Variants in TULP4 observed in about 807,000 individuals in gnomAD.
TULP4 encodes TUB like protein 4, also known as tubby-related protein 4.
A neutral mutation model predicts 129.0 loss-of-function variants in TULP4; 16 were observed. That is an observed-to-expected ratio of 0.12 (90% CI 0.08 to 0.19). The LOEUF (loss-of-function observed/expected upper bound fraction) is 0.19, where lower values mean the gene tolerates loss of function less well. Ranked by LOEUF, TULP4 falls within the 10% of genes least tolerant of loss-of-function variation. The pLI is 1.00. For missense variants in TULP4, 1,842 were observed against 2,059.1 expected, an observed-to-expected ratio of 0.89 and a Z score of 2.04; for synonymous variants, 998 against 854.0, an observed-to-expected ratio of 1.17 and a Z score of -2.94.
intron 1 of TULP4, among the ~76,000 whole-genome samples, chr6:158,338,552 G>A (rs1245863593): frequency 6.6e-6 from 1 of 152,140 alleles, no homozygotes; most frequent in Non-Finnish European, 1.5e-5. Flanking sequence ...TCCAAAGCTG[G>A]GCAGTGACCC....
rs115512048 is a variant in TULP4, at chr6:158,431,757, G to A, written c.543+1860G>A. ...GAGTGGTTTCCTGCTGCCGTGGAAC[G>A]TGAAGGGGGACTCCTGGGGCTGGAG... On this transcript the variant is annotated intron_variant, in intron 3 of 13. Transcript: ENST00000367097. Among the ~76,000 whole-genome samples, 942 of 152,210 alleles carry A rather than the reference G, an allele frequency of 6.2e-3. 13 individuals carry two copies. Among genetic ancestry groups the A allele is most frequent in the African/African-American group, 0.021 (869 of 41,514 alleles).
rs575849065 is a variant in TULP4, at chr6:158,461,622, C to A, written c.919C>A (p.Gln307Lys). The A allele has an allele frequency of 6.2e-7, 1 of 1,614,052 alleles. No homozygotes were observed. The highest frequency in any genetic ancestry group is 1.7e-5 in the Admixed American group (1 of 60,008). The part of the protein sequence containing the change: ...DLLAVAGMER[Q>K]TQLGELPNGP... ...GCTGGCAGTCGCTGGGATGGAACGG[C>A]AGACCCAGCTTGGTGAGCTTCCCAA... Residue 307 changes from glutamine (Q) to lysine (K), a missense_variant, in exon 6 of 14, where the codon CAG becomes AAG. Around this residue, in one of 5 missense-constraint regions of TULP4, gnomAD observed 456 missense variants for 534.3 expected, o/e 0.85. Coordinates refer to ENST00000367097, the MANE Select transcript of TULP4 (RefSeq NM_020245.5).
chr6:158,421,048 A>G (rs1235831976), intron 2 of TULP4, among the ~76,000 whole-genome samples: 1 of 152,136 alleles, frequency 6.6e-6, no homozygotes, highest in African/African-American at 2.4e-5. Context: ...GGCGTGAGAC[A>G]TTAATCAAAT....
At chr6:158,501,589 G>C in intron 12 of TULP4, 89 bp from the exon 13 acceptor site, 1 of 1,311,976 alleles carries the variant, frequency 7.6e-7, no homozygotes, top group Non-Finnish European at 1.1e-6. Flanking sequence ...TACAGAAGGA[G>C]ACTGGATGAG....
chr6:158,282,407 C>T (rs1449785765), intron 1 of TULP4: 1 of 151,740 alleles, frequency 6.6e-6, no homozygotes. Flanking sequence ...AATATGAATT[C>T]CCTCTAAGAA....
rs565025678 is a variant in TULP4, at chr6:158,261,493, C to A, written n.68+29190C>A. ...TAGGTAATTGGGAGCAGTCTCGGAA[C>A]CTCTTGGGACCTGGTAAATGTCTTG... On this transcript the variant is annotated intron_variant and non_coding_transcript_variant, in intron 1 of 1. Transcript: ENST00000620026. Among the ~76,000 whole-genome samples, 9 of 152,272 alleles carry A rather than the reference C, an allele frequency of 5.9e-5. No homozygotes were observed. The South Asian group carries it at 1.9e-3, about 32-fold the overall frequency.
intron 6 of TULP4, among the ~76,000 whole-genome samples, chr6:158,477,843 T>C (rs686898): frequency 0.6 from 90,713 of 151,806 alleles, 27,688 homozygotes; most frequent in African/African-American, 0.73. Context: ...ATAGCAAAGA[T>C]ATGGAATCAA....
chr6:158,340,803 T>C (rs9364488), intron 1 of TULP4, among the ~76,000 whole-genome samples: 22,990 of 152,136 alleles, frequency 0.15, 2,455 homozygotes, highest in East Asian at 0.43. Context: ...CTGTTATTTT[T>C]AGGGATGTGT....
chr6:158,249,889 T>A (rs1393205499), intron 1 of TULP4, among the ~76,000 whole-genome samples: 1 of 152,226 alleles, frequency 6.6e-6, no homozygotes, highest in African/African-American at 2.4e-5. Flanking sequence ...TAGTCAATGA[T>A]AGTGAGAATT....
At chr6:158,440,355 T>A (rs1180024820) in intron 3 of TULP4, among the ~76,000 whole-genome samples, 5 of 142,100 alleles carry the variant, frequency 3.5e-5, no homozygotes, top group South Asian at 2.4e-4. Flanking sequence ...ACAAACCTAC[T>A]AAAGTAAAAT....
At chr6:158,259,632 A>G (rs4710153) in intron 1 of TULP4, among the ~76,000 whole-genome samples, 49,971 of 152,022 alleles carry the variant, frequency 0.33, 9,201 homozygotes, top group Admixed American at 0.45. Context: ...GTGTCACTTC[A>G]ACTCGGTTCT....
At position 158,494,530 on chromosome 6, in the gene TULP4, C is replaced by T. The variant is rs143291384; in HGVS notation, c.1777-223C>T. On this transcript the variant is annotated intron_variant, in intron 10 of 13. Transcript: ENST00000367097. ...CTGTGGACATACATACTGGGACACA[C>T]CCCCACCTTTCCCCCAGCTCGATGC... Among the ~76,000 whole-genome samples the T allele has an allele frequency of 9.5e-3, 1,442 of 152,224 alleles. 19 individuals are homozygous for T. Among genetic ancestry groups the T allele is most frequent in the African/African-American group, 0.033 (1,371 of 41,522 alleles).
intron 6 of TULP4, among the ~76,000 whole-genome samples, chr6:158,469,055 G>C (rs946019429): frequency 2.6e-5 from 4 of 152,160 alleles, no homozygotes; most frequent in African/African-American, 9.7e-5. Flanking sequence ...TTGGCCTTTT[G>C]TTTTGTATTT....
At chr6:158,269,916 C>G (rs1778516422) in intron 1 of TULP4, among the ~76,000 whole-genome samples, 1 of 152,198 alleles carries the variant, frequency 6.6e-6, no homozygotes, top group Non-Finnish European at 1.5e-5. Flanking sequence ...CCTTTGTGGT[C>G]TTCACAGGGT....
chr6:158,503,617 C>T lies in TULP4; in HGVS notation c.3954C>T (p.Val1318=). 2 of 1,614,046 alleles carry T rather than the reference C, an allele frequency of 1.2e-6. No individual in the cohort carries two copies. The change falls in exon 13 of 14, where the codon GTC becomes GTT. Residue 1318 remains valine, a synonymous_variant. Coordinates refer to ENST00000367097, the MANE Select transcript of TULP4 (RefSeq NM_020245.5). The surrounding 1 kb of genome is among the most constrained non-coding windows in gnomAD (Gnocchi z 4.3). ...AGACTGCAGACAACTTCCAGGAAGT[C>T]CTCTCCCTGACCGAAAGCCCAGTCC... ...MVETADNFQE[V]LSLTESPVPQ...
intron 1 of TULP4, among the ~76,000 whole-genome samples, chr6:158,244,128 A>G (rs1029588923): frequency 2.0e-5 from 3 of 152,116 alleles, no homozygotes; most frequent in Admixed American, 2.0e-4. Flanking sequence ...TCGATGCTCA[A>G]ATTGCTCCCT....
chr6:158,499,354 G>A (rs1450846835), intron 12 of TULP4, among the ~76,000 whole-genome samples: 1 of 152,262 alleles, frequency 6.6e-6, no homozygotes, highest in South Asian at 2.1e-4. Flanking sequence ...CAGTGCACAG[G>A]GGCCTGGTCT....
At chr6:158,310,544 C>CA (rs1406596112), upstream of TULP4, 1 of 152,188 alleles carries the variant, frequency 6.6e-6, no homozygotes, top group South Asian at 2.1e-4. Flanking sequence ...TGGTCTCGAA[C>CA]TCCTGGTGCT....
In TULP4 at chr6:158,493,712, A is replaced by G. The variant is rs770451738; in HGVS notation, c.1771A>G (p.Thr591Ala). The G allele has an allele frequency of 1.9e-6, 3 of 1,564,920 alleles. No homozygotes were observed. The highest frequency in any genetic ancestry group is 2.6e-6 in the Non-Finnish European group (3 of 1,156,840). Residue 591 changes from threonine to alanine, a missense_variant, in exon 10 of 14, where the codon ACT becomes GCT. Around this residue, in one of 5 missense-constraint regions of TULP4, gnomAD observed 456 missense variants for 534.3 expected, o/e 0.85. Transcript: ENST00000367097. This position sits in a 1 kb window ranked among gnomAD's most constrained non-coding sequence, Gnocchi z 4.4. Reference protein sequence around the residue: ...TRREFPFEDITQHNYLAQVTS... With the variant: ...TRREFPFEDIAQHNYLAQVTS... ...GAGAGAGTTTCCTTTTGAAGACATC[A>G]CTCAGGTAGGAGCCCCCAGTTACCC...
Sources: gnomAD v4.1 joint callset for allele counts (sites outside exome capture counted in the v4.1 genomes callset) on GRCh38, gnomAD v4.1.1 for gene constraint, gnomAD v4.1.1 regional missense constraint, Gnocchi (gnomAD v3.1) non-coding constraint, MANE v1.5 for transcripts, NCBI Gene and HGNC (gene_info 2026-07-23, HGNC 2026-07-21) for gene names.